The following PTPRN2 variants were observed in gnomAD, a reference collection of about 807,000 sequenced individuals.
PTPRN2 encodes the protein receptor-type tyrosine-protein phosphatase N2.
PTPRN2 carries 74 observed loss-of-function variants against 118.8 expected under a neutral mutation model. That is an observed-to-expected ratio of 0.62 (90% CI 0.52 to 0.76). PTPRN2 has a LOEUF of 0.76. Ranked by LOEUF, PTPRN2 falls within the 30% of genes least tolerant of loss-of-function variation. The pLI is 0.00. For missense variants in PTPRN2, 1,481 were observed against 1,394.4 expected (o/e 1.06, Z -0.99); for synonymous variants, 641 against 608.0 (o/e 1.05, Z -0.80).
chr7:158,048,006 G>T (rs552724693), intron 11 of PTPRN2, among the ~76,000 whole-genome samples: 22 of 152,222 alleles, frequency 1.4e-4, no homozygotes, highest in African/African-American at 5.3e-4. Flanking sequence ...GAATGGGGCC[G>T]AATTCAGAGC....
At chr7:157,878,299 A>T (rs1236875901) in intron 12 of PTPRN2, among the ~76,000 whole-genome samples, 2 of 144,702 alleles carry the variant, frequency 1.4e-5, no homozygotes, top group Non-Finnish European at 3.0e-5. Flanking sequence ...GTGCACCCAC[A>T]CTTACTCACC....
chr7:158,166,861 C>A, intron 6 of PTPRN2, 70 bp downstream of exon 6: 2 of 1,392,236 alleles, frequency 1.4e-6, no homozygotes, highest in Non-Finnish European at 1.9e-6. Context: ...GAGCATGGTG[C>A]GTCTGTCACT....
At chr7:158,383,061 A>C (rs1811082111) in intron 2 of PTPRN2, among the ~76,000 whole-genome samples, 1 of 152,144 alleles carries the variant, frequency 6.6e-6, no homozygotes, top group Non-Finnish European at 1.5e-5. Flanking sequence ...TCAGTATCCC[A>C]CAGTACATTA....
rs554428166 is a variant in PTPRN2 at position 158,550,860 on chromosome 7, T to C, written c.112+36698A>G. ...ACTGGGGAGATGTCGTGAAGCTTTT[T>C]TAACTCCATCAGGCGGCCGTCGCGC... On this transcript the variant is annotated intron_variant, in intron 1 of 22. Transcript: ENST00000389418. Among the ~76,000 whole-genome samples, 10 of 152,328 alleles carry C rather than the reference T, an allele frequency of 6.6e-5. No homozygotes were observed. In the South Asian group the frequency reaches 2.1e-3, roughly 32 times the overall value.
intron 1 of PTPRN2, among the ~76,000 whole-genome samples, chr7:158,551,468 A>T: frequency 7.1e-6 from 1 of 140,372 alleles, no homozygotes; most frequent in East Asian, 2.2e-4. Flanking sequence ...TTGCATCTGG[A>T]GTGGGGCTCT....
intron 5 of PTPRN2, among the ~76,000 whole-genome samples, chr7:158,182,458 T>C (rs1356077883): frequency 6.6e-6 from 1 of 152,174 alleles, no homozygotes; most frequent in African/African-American, 2.4e-5. Flanking sequence ...ACTTGTCCTC[T>C]AATTTCCCTC....
intron 12 of PTPRN2, among the ~76,000 whole-genome samples, chr7:157,777,877 C>A (rs1446872275): frequency 1.3e-5 from 2 of 151,894 alleles, no homozygotes; most frequent in Non-Finnish European, 2.9e-5. Flanking sequence ...AAGCTAGTTT[C>A]TTTCAACCAC....
intron 9 of PTPRN2, among the ~76,000 whole-genome samples, chr7:158,116,709 G>A (rs754191321): frequency 6.6e-6 from 1 of 152,076 alleles, no homozygotes; most frequent in Admixed American, 6.5e-5. Flanking sequence ...GACTTACAGG[G>A]GATTTAAAAT....
At chr7:158,285,033 G>A (rs973320435) in intron 3 of PTPRN2, among the ~76,000 whole-genome samples, 4 of 152,184 alleles carry the variant, frequency 2.6e-5, no homozygotes, top group Non-Finnish European at 5.9e-5. Context: ...CATCACGCTC[G>A]TCATCTCAGT....
intron 12 of PTPRN2, among the ~76,000 whole-genome samples, chr7:157,822,180 C>G (rs907166909): frequency 6.6e-6 from 1 of 151,956 alleles, no homozygotes; most frequent in South Asian, 2.1e-4. Flanking sequence ...TATCCATCAT[C>G]CATCCAAATA....
Position 158,544,270 on chromosome 7 carries a change from C to G in PTPRN2, c.112+43288G>C, listed in dbSNP as rs1826155768. On this transcript the variant is annotated intron_variant, in intron 1 of 22. Transcript: ENST00000389418. The surrounding 1 kb of genome is among the most constrained non-coding windows in gnomAD (Gnocchi z 4.2). ...TTGACTCTAAAGCAAGCGTATCCAG[C>G]CCACAGGCCACGGCCCACGAGATGG... Among the ~76,000 whole-genome samples the G allele has an allele frequency of 6.6e-6, 1 of 151,722 alleles. No homozygotes were observed. Among genetic ancestry groups the G allele is most frequent in the Non-Finnish European group, 1.5e-5 (1 of 67,962 alleles).
Position 158,081,835 on chromosome 7 carries a change from A to G in PTPRN2, c.1644-458T>C, listed in dbSNP as rs144520401. ...CCAAAGTCATTAAGAACTACTCTGT[A>G]TAAAAACAACTGGCAGGGAATTGCT... On this transcript the variant is annotated intron_variant, in intron 10 of 22. Transcript: ENST00000389418. Among the ~76,000 whole-genome samples the G allele has an allele frequency of 1.6e-3, 238 of 152,370 alleles. 1 individual carries two copies. Among genetic ancestry groups the G allele is most frequent in the African/African-American group, 5.2e-3 (217 of 41,590 alleles).
rs112309937 is a variant in PTPRN2, at chr7:158,431,736, C to A, written c.163+57999G>T. 4.5e-3 allele frequency among the ~76,000 whole-genome samples: 675 copies of A among 150,746 alleles called. 8 individuals carry two copies. The highest frequency in any genetic ancestry group is 0.016 in the African/African-American group (651 of 41,072). On this transcript the variant is annotated intron_variant, in intron 2 of 22. Transcript: ENST00000389418. ...ACATACTGGCTCACACTGGCTCACA[C>A]TGGCCACACACTGGCTCACAATGGC...
At chr7:158,373,016 G>A (rs1408590367) in intron 2 of PTPRN2, among the ~76,000 whole-genome samples, 4 of 152,184 alleles carry the variant, frequency 2.6e-5, no homozygotes, top group Admixed American at 6.5e-5. Flanking sequence ...CTACAGGGAG[G>A]CTGCCAGAGG....
intron 6 of PTPRN2, among the ~76,000 whole-genome samples, chr7:158,151,514 T>TGTCTCTCC (rs1563522262): frequency 6.8e-6 from 1 of 146,076 alleles, no homozygotes. Flanking sequence ...TTTCTGCTCC[T>TGTCTCTCC]CACCGCACGT....
intron 3 of PTPRN2, among the ~76,000 whole-genome samples, chr7:158,289,906 A>G (rs1374107743): frequency 6.6e-6 from 1 of 152,218 alleles, no homozygotes; most frequent in Non-Finnish European, 1.5e-5. Context: ...TGGGGTCCTC[A>G]CGCAGGCTGG....
intron 1 of PTPRN2, among the ~76,000 whole-genome samples, chr7:158,501,829 G>C (rs1822384056): frequency 6.6e-6 from 1 of 152,158 alleles, no homozygotes; most frequent in South Asian, 2.1e-4. Context: ...GATCTACTTA[G>C]TGTCATAGAG....
chr7:158,502,047 C>T (rs1822400779), intron 1 of PTPRN2, among the ~76,000 whole-genome samples: 2 of 152,178 alleles, frequency 1.3e-5, no homozygotes, highest in African/African-American at 2.4e-5. Context: ...ATCCTCTCCT[C>T]GTTCCGACTC....
At chr7:158,191,715 C>T (rs951865667) in intron 5 of PTPRN2, among the ~76,000 whole-genome samples, 2 of 152,186 alleles carry the variant, frequency 1.3e-5, no homozygotes, top group African/African-American at 4.8e-5. Flanking sequence ...GCAGCTCCCA[C>T]TCGCCCTGCA....
Sources: allele counts gnomAD v4.1 joint callset (sites outside exome capture counted in the v4.1 genomes callset), GRCh38; gene constraint gnomAD v4.1.1; non-coding constraint Gnocchi (gnomAD v3.1); transcripts MANE v1.5; gene names NCBI Gene and HGNC (gene_info 2026-07-23, HGNC 2026-07-21).